The following SOX5 variants were observed in gnomAD, a reference collection of about 807,000 sequenced individuals.
SOX5 encodes the protein transcription factor SOX-5.
SOX5 carries 9 observed loss-of-function variants against 92.0 expected under a neutral mutation model. The observed-to-expected ratio is 0.10, with a 90% CI of 0.06 to 0.17. SOX5 has a LOEUF of 0.17. Among genes scored for constraint, SOX5 ranks in the 10% least tolerant of loss-of-function variants. SOX5 has a pLI of 1.00. For synonymous variants in SOX5, 344 were observed against 336.3 expected, an observed-to-expected ratio of 1.02 and a Z score of -0.25; for missense variants, 642 against 944.5, an observed-to-expected ratio of 0.68 and a Z score of 4.20.
At position 24,210,954 on chromosome 12, in the gene SOX5, TCTG is replaced by T. The variant is rs1958545551; in HGVS notation, c.-2+2386_-2+2388del. On this transcript the variant is annotated intron_variant, in intron 4 of 4. Coordinates refer to the SOX5 transcript ENST00000446891. The stretch of plus-strand genomic sequence containing the variant: ...CATATGAACCATAACATGCTCCTCA[TCTG>T]CTAAGATTCCTTTAATGATCTCCAT... Among the ~76,000 whole-genome samples the T allele has an allele frequency of 2.0e-5, 3 of 152,196 alleles. No individual in the cohort carries two copies. The South Asian group carries it at 6.2e-4, about 32-fold the overall frequency.
rs551066394 is a variant in SOX5 at position 23,993,717 on chromosome 12, G to A, written c.-1-97693C>T. On this transcript the variant is annotated intron_variant, in intron 4 of 4. Coordinates refer to the SOX5 transcript ENST00000446891. ...AGTGTAGTGACAGAAAATTTGAGAA[G>A]ACATAGATATGAAAAAATGTTTCTG... Among the ~76,000 whole-genome samples, 8 of 152,232 alleles carry A rather than the reference G, an allele frequency of 5.3e-5. No individual in the cohort carries two copies. The South Asian group carries it at 1.2e-3, about 24-fold the overall frequency.
At chr12:23,896,083 C>T (rs2097174826) in intron 1 of SOX5, 59 bp from the exon 2 acceptor site, 2 of 1,218,566 alleles carry the variant, frequency 1.6e-6, no homozygotes, top group African/African-American at 3.0e-5. Context: ...TTAATGCCGT[C>T]ATTGTGTGGT....
intron 4 of SOX5, among the ~76,000 whole-genome samples, chr12:24,017,321 A>G (rs1299213879): frequency 6.6e-6 from 1 of 152,140 alleles, no homozygotes; most frequent in African/African-American, 2.4e-5. Context: ...GCAACAGGTT[A>G]TGTGTGGTGG....
At chr12:24,322,877 C>T (rs1950339664) in intron 2 of SOX5, among the ~76,000 whole-genome samples, 1 of 152,038 alleles carries the variant, frequency 6.6e-6, no homozygotes, top group African/African-American at 2.4e-5. Context: ...TTATTTTTGT[C>T]CCACTTTCTA....
intron 3 of SOX5, among the ~76,000 whole-genome samples, chr12:24,270,730 CT>C (rs1943626759): frequency 6.6e-6 from 1 of 152,146 alleles, no homozygotes; most frequent in Non-Finnish European, 1.5e-5. Context: ...GTATTTCTTG[CT>C]TGTCTTTAGT....
chr12:24,459,689 C>T (rs12810481), intron 1 of SOX5, among the ~76,000 whole-genome samples: 14,227 of 152,110 alleles, frequency 0.094, 724 homozygotes, highest in South Asian at 0.16. Flanking sequence ...ATTTTACTTT[C>T]AAATGACCTG....
intron 1 of SOX5, among the ~76,000 whole-genome samples, chr12:24,501,903 A>G (rs1324252047): frequency 2.6e-5 from 4 of 152,218 alleles, no homozygotes. Context: ...GGAAAAAAAG[A>G]AAGAAATTAA....
rs1321206384 is a variant in SOX5, at chr12:23,532,393, T to G, written c.*1826A>C. 6.6e-6 allele frequency: 1 copy of G among 152,188 alleles called. No homozygotes were observed. Among genetic ancestry groups the G allele is most frequent in the East Asian group, 1.9e-4 (1 of 5,198 alleles). 9.4% of individuals were successfully genotyped at this position (152,188 alleles called of 1,614,324 possible). Reference sequence around the variant, plus strand: ...AAAATGATGACTGGAGTGAAAACTATAGCACATCAAGCTACTAGTTGCAGT... The same window carrying G: ...AAAATGATGACTGGAGTGAAAACTAGAGCACATCAAGCTACTAGTTGCAGT... On this transcript the variant is annotated 3_prime_UTR_variant, in exon 15 of 15. Transcript: ENST00000451604.
intron 3 of SOX5, chr12:24,238,109 C>T (rs1964868085): frequency 6.6e-6 from 1 of 152,070 alleles, no homozygotes; most frequent in South Asian, 2.1e-4. Context: ...TCTAGGATAA[C>T]AAAGAAAGAA....
At chr12:24,389,105 C>G (rs1004913436) in intron 1 of SOX5, among the ~76,000 whole-genome samples, 10 of 151,984 alleles carry the variant, frequency 6.6e-5, no homozygotes, top group Admixed American at 2.0e-4. Flanking sequence ...ATCCCTCCCC[C>G]CTCCTCCCAC....
intron 4 of SOX5, among the ~76,000 whole-genome samples, chr12:24,084,631 G>A (rs879799164): frequency 2.0e-5 from 3 of 151,926 alleles, no homozygotes; most frequent in South Asian, 4.1e-4. Flanking sequence ...CAATTCAAAC[G>A]TCCACTACCA....
upstream of SOX5, among the ~76,000 whole-genome samples, chr12:23,950,262 GCACACA>G (rs111520694): frequency 2.7e-5 from 4 of 148,162 alleles, no homozygotes; most frequent in Non-Finnish European, 6.0e-5. Context: ...GGAAATACAC[GCACACA>G]CACACACACA....
At position 24,420,255 on chromosome 12, in the gene SOX5, C is replaced by T. The variant is rs747932282; in HGVS notation, c.-250-51616G>A. Reference sequence around the variant, plus strand: ...GACAAAACCACTGACAATGAACATACCTAGTAACCAGAAAACAGCGCTTCT... The same window carrying T: ...GACAAAACCACTGACAATGAACATATCTAGTAACCAGAAAACAGCGCTTCT... On this transcript the variant is annotated intron_variant, in intron 1 of 4. Coordinates refer to the SOX5 transcript ENST00000446891. Among the ~76,000 whole-genome samples the T allele has an allele frequency of 6.0e-4, 92 of 152,158 alleles. 1 individual carries two copies. The highest frequency in any genetic ancestry group is 1.1e-3 in the Non-Finnish European group (76 of 68,030).
chr12:23,607,307 A>G (rs906220621), intron 8 of SOX5, among the ~76,000 whole-genome samples: 2 of 152,226 alleles, frequency 1.3e-5, no homozygotes, highest in Non-Finnish European at 2.9e-5. Flanking sequence ...CCCGTCTTAG[A>G]GAATTTAACA....
chr12:23,999,504 T>C (rs1263787945), intron 4 of SOX5, among the ~76,000 whole-genome samples: 3 of 152,108 alleles, frequency 2.0e-5, no homozygotes, highest in Non-Finnish European at 4.4e-5. Context: ...ATATGTTAAC[T>C]AGCTGGATTG....
intron 1 of SOX5, among the ~76,000 whole-genome samples, chr12:24,457,368 G>A (rs1943135832): frequency 6.6e-6 from 1 of 152,052 alleles, no homozygotes; most frequent in Non-Finnish European, 1.5e-5. Context: ...ATCACAGTAG[G>A]CCAGTCAACA....
At chr12:24,409,861 T>C (rs1378816267) in intron 1 of SOX5, among the ~76,000 whole-genome samples, 2 of 152,238 alleles carry the variant, frequency 1.3e-5, no homozygotes, top group Admixed American at 6.5e-5. Context: ...TTTTTTACTA[T>C]AGAGTTTTCA....
intron 1 of SOX5, among the ~76,000 whole-genome samples, chr12:23,911,909 A>G (rs538456302): frequency 6.6e-6 from 1 of 152,282 alleles, no homozygotes; most frequent in South Asian, 2.1e-4. Flanking sequence ...GCTACATTCG[A>G]CACCAAACAC....
chr12:24,038,927 TAA>T (rs1274812589), intron 4 of SOX5, among the ~76,000 whole-genome samples: 1 of 152,208 alleles, frequency 6.6e-6, no homozygotes, highest in Non-Finnish European at 1.5e-5. Flanking sequence ...AATTAAAAAC[TAA>T]AAGTTATTAT....
Sources: allele counts gnomAD v4.1 joint callset (sites outside exome capture counted in the v4.1 genomes callset), GRCh38; gene constraint gnomAD v4.1.1; transcripts MANE v1.5; gene names NCBI Gene and HGNC (gene_info 2026-07-23, HGNC 2026-07-21).